Variants in NCKAP5 observed in about 807,000 individuals in gnomAD.
NCKAP5 encodes the protein NCK associated protein 5.
In NCKAP5, 92 loss-of-function variants were observed where a neutral mutation model predicts 167.0. The ratio of observed to expected loss-of-function variants is 0.55; its 90% CI spans 0.47 to 0.66. The LOEUF (loss-of-function observed/expected upper bound fraction) is 0.66. Among genes scored for constraint, NCKAP5 ranks in the 30% least tolerant of loss-of-function variants. The probability of loss-of-function intolerance (pLI) is 0.00; values close to 1 mark genes in which losing one functional copy is unlikely to be tolerated. For synonymous variants in NCKAP5, 891 were observed against 877.4 expected, an observed-to-expected ratio of 1.02 and a Z score of -0.27; for missense variants, 2,378 against 2,315.0, an observed-to-expected ratio of 1.03 and a Z score of -0.56.
At chr2:133,149,933 C>T (rs1172695700) in intron 5 of NCKAP5, among the ~76,000 whole-genome samples, 1 of 152,146 alleles carries the variant, frequency 6.6e-6, no homozygotes, top group South Asian at 2.1e-4. Context: ...TCCATTCTTG[C>T]CCCACCCTCA....
At chr2:132,844,174 TCA>T (rs746993537) in intron 11 of NCKAP5, among the ~76,000 whole-genome samples, 19 of 152,166 alleles carry the variant, frequency 1.2e-4, no homozygotes, top group Admixed American at 6.5e-4. Flanking sequence ...AAAGAGCCTA[TCA>T]TTATAAAGGT....
chr2:133,411,970 C>G (rs867024154), intron 3 of NCKAP5, among the ~76,000 whole-genome samples: 1 of 152,190 alleles, frequency 6.6e-6, no homozygotes, highest in Non-Finnish European at 1.5e-5. Context: ...ACTGTTCCTC[C>G]CTCTAACTCC....
At chr2:132,771,655 G>A (rs965473054) in intron 16 of NCKAP5, among the ~76,000 whole-genome samples, 2 of 150,334 alleles carry the variant, frequency 1.3e-5, no homozygotes, top group Admixed American at 1.3e-4. Context: ...CAGGTATATT[G>A]TTGTTTATCT....
rs184446178 is a variant in NCKAP5 at position 133,361,644 on chromosome 2, C to T, written c.70-58534G>A. 1.7e-4 allele frequency among the ~76,000 whole-genome samples: 26 copies of T among 152,198 alleles called. No homozygotes were observed. In the East Asian group the frequency reaches 4.8e-3, roughly 28 times the overall value. Reference sequence around the variant, plus strand: ...GAATATTCCTGCCACAAGAAAAGGCCAAAATGATATAATCCCATGTTAAAC... The same window carrying T: ...GAATATTCCTGCCACAAGAAAAGGCTAAAATGATATAATCCCATGTTAAAC... On this transcript the variant is annotated intron_variant, in intron 3 of 19. Coordinates refer to ENST00000409261, the MANE Select transcript of NCKAP5 (RefSeq NM_207363.3).
intron 16 of NCKAP5, among the ~76,000 whole-genome samples, chr2:132,743,842 G>A (rs1679415339): frequency 6.6e-6 from 1 of 151,482 alleles, no homozygotes; most frequent in African/African-American, 2.4e-5. Flanking sequence ...TGAAAAGTGG[G>A]ACAGAAAAAT....
chr2:133,271,230 C>T (rs565905466), intron 4 of NCKAP5, among the ~76,000 whole-genome samples: 1 of 152,116 alleles, frequency 6.6e-6, no homozygotes, highest in South Asian at 2.1e-4. Context: ...CTGCACCCGG[C>T]CTTGTTGCTT....
rs567440775 is a variant in NCKAP5 at position 133,437,566 on chromosome 2, C to T, written c.69+79892G>A. ...TTACTTTTTGTACTTTTGTGTTTTT[C>T]CCGAGGCCCTACTGATGTTGGGGAA... On this transcript the variant is annotated intron_variant, in intron 3 of 19. Coordinates refer to ENST00000409261, the MANE Select transcript of NCKAP5 (RefSeq NM_207363.3). 2.6e-5 allele frequency among the ~76,000 whole-genome samples: 4 copies of T among 152,198 alleles called. No homozygotes were observed. In the South Asian group the frequency reaches 8.3e-4, roughly 32 times the overall value.
At chr2:133,067,069 G>A (rs1193291526) in intron 6 of NCKAP5, among the ~76,000 whole-genome samples, 1 of 152,056 alleles carries the variant, frequency 6.6e-6, no homozygotes, top group Admixed American at 6.6e-5. Flanking sequence ...GTTTCACCAT[G>A]TTAGCCAGGA....
At chr2:132,917,707 C>T (rs1276422796) in intron 8 of NCKAP5, among the ~76,000 whole-genome samples, 1 of 152,142 alleles carries the variant, frequency 6.6e-6, no homozygotes, top group Non-Finnish European at 1.5e-5. Flanking sequence ...GGGGCTTAAA[C>T]ATCCAGCTCC....
the NCKAP5 span, among the ~76,000 whole-genome samples, chr2:133,600,482 G>A: frequency 8.5e-5 from 13 of 152,328 alleles, no homozygotes; most frequent in East Asian, 9.6e-4. Context: ...ACAATGAGCC[G>A]TCGGGGCGCC....
At chr2:132,902,336 T>C (rs962201692) in intron 8 of NCKAP5, among the ~76,000 whole-genome samples, 2 of 152,136 alleles carry the variant, frequency 1.3e-5, no homozygotes, top group African/African-American at 2.4e-5. Context: ...CAGTTAAAAC[T>C]CAACTAGCAA....
chr2:132,734,596 A>G (rs1691327949), intron 16 of NCKAP5, among the ~76,000 whole-genome samples: 1 of 152,176 alleles, frequency 6.6e-6, no homozygotes, highest in Non-Finnish European at 1.5e-5. Flanking sequence ...TTCTTTTGAG[A>G]AGACGCGTCA....
upstream of NCKAP5, among the ~76,000 whole-genome samples, chr2:133,570,079 A>AATAT (rs1688807684): frequency 1.3e-5 from 2 of 152,236 alleles, no homozygotes; most frequent in African/African-American, 4.8e-5. Flanking sequence ...GGTAACTGTG[A>AATAT]ATATACTGAT....
At chr2:133,196,668 G>T (rs1042223634) in intron 5 of NCKAP5, among the ~76,000 whole-genome samples, 1 of 152,096 alleles carries the variant, frequency 6.6e-6, no homozygotes, top group Non-Finnish European at 1.5e-5. Context: ...ATTTTTCACC[G>T]CCTGGTATCA....
chr2:132,894,195 G>A (rs557797002), intron 8 of NCKAP5, among the ~76,000 whole-genome samples: 20 of 152,356 alleles, frequency 1.3e-4, no homozygotes, highest in African/African-American at 4.8e-4. Flanking sequence ...TTTCAAGGAT[G>A]ACCTACTCCT....
Position 133,085,305 on chromosome 2 carries a change from C to A in NCKAP5, c.341+44673G>T, listed in dbSNP as rs115018002. Among the ~76,000 whole-genome samples, 680 of 152,252 alleles carry A rather than the reference C, an allele frequency of 4.5e-3. 10 individuals are homozygous for A. Among genetic ancestry groups the A allele is most frequent in the African/African-American group, 0.016 (663 of 41,538 alleles). On this transcript the variant is annotated intron_variant, in intron 6 of 19. Transcript: ENST00000409261. ...CTGCAGCAACATTTTAGAGATGATG[C>A]AGCATTTAATAGAATCACAAAGCAG...
intron 6 of NCKAP5, among the ~76,000 whole-genome samples, chr2:133,097,097 C>T (rs181543885): frequency 2.0e-5 from 3 of 152,218 alleles, no homozygotes; most frequent in East Asian, 3.9e-4. Context: ...TTTGAACTGA[C>T]GGAACAAGGT....
upstream of NCKAP5, among the ~76,000 whole-genome samples, chr2:133,572,442 A>G (rs1053975767): frequency 6.6e-6 from 1 of 152,332 alleles, no homozygotes. Context: ...TGCAAAGACC[A>G]TGGGAATCAC....
At chr2:133,433,686 T>C (rs900290515) in intron 3 of NCKAP5, 12 of 152,168 alleles carry the variant, frequency 7.9e-5, no homozygotes, top group African/African-American at 2.9e-4. Flanking sequence ...TGTCACCAAA[T>C]CCTGTTATCT....
Sources: gnomAD v4.1 joint callset for allele counts (sites outside exome capture counted in the v4.1 genomes callset) on GRCh38, gnomAD v4.1.1 for gene constraint, MANE v1.5 for transcripts, NCBI Gene and HGNC (gene_info 2026-07-23, HGNC 2026-07-21) for gene names.